UPP2: variants seen among roughly 807,000 people sequenced by gnomAD.
UPP2 encodes UPase 2.
In UPP2, 23 loss-of-function variants were observed where a neutral mutation model predicts 26.7. The observed-to-expected ratio is 0.86, with a 90% CI of 0.62 to 1.22. The LOEUF is 1.22. Ranked by LOEUF, UPP2 falls within the 50% of genes most tolerant of loss-of-function variation. The pLI is 0.00. For missense variants in UPP2, 387 were observed against 396.7 expected (o/e 0.98, Z 0.21); for synonymous variants, 127 against 141.3 (o/e 0.90, Z 0.72).
intron 3 of UPP2, among the ~76,000 whole-genome samples, chr2:158,029,288 T>G (rs1165566768): frequency 2.0e-5 from 3 of 152,196 alleles, no homozygotes; most frequent in African/African-American, 7.2e-5. Flanking sequence ...TAATTAGATT[T>G]CTAAAAAATA....
rs547202348 is a variant in UPP2 at position 158,060,116 on chromosome 2, A to G, written c.148-41924A>G. ...CATGTGTGTACACACATGCATGCACACAGGCACTCTTCCCATGACTTGTGT... is the reference window on the plus strand; with the variant it reads ...CATGTGTGTACACACATGCATGCACGCAGGCACTCTTCCCATGACTTGTGT... On this transcript the variant is annotated intron_variant, in intron 3 of 9. Transcript: ENST00000605860. Among the ~76,000 whole-genome samples, 3 of 152,230 alleles carry G rather than the reference A, an allele frequency of 2.0e-5. No homozygotes were observed. In the South Asian group the frequency reaches 6.2e-4, roughly 32 times the overall value.
rs763584694 is a variant in UPP2 at position 158,134,861 on chromosome 2, A to G, written c.925A>G (p.Ile309Val). 17 of 1,613,500 alleles carry G rather than the reference A, an allele frequency of 1.1e-5. No homozygotes were observed. Among genetic ancestry groups the G allele is most frequent in the Non-Finnish European group, 1.3e-5 (15 of 1,179,708 alleles). ...GCCTCAGCTCCTAATCTCCAACTTC[A>G]TCAGACGGCGGCTTGGACTTTGTGA... Reference protein sequence around the residue: ...QRPQLLISNFIRRRLGLCD With the variant: ...QRPQLLISNFVRRRLGLCD Residue 309 changes from isoleucine to valine, a missense_variant, in exon 7 of 7, where the codon ATC (isoleucine) becomes GTC (valine). Physicochemically the swap from Ile to Val is conservative, Grantham distance 29. Coordinates refer to ENST00000005756, the MANE Select transcript of UPP2 (RefSeq NM_173355.4).
chr2:158,108,250 C>T (rs1484514766), intron 2 of UPP2, among the ~76,000 whole-genome samples: 2 of 152,076 alleles, frequency 1.3e-5, no homozygotes, highest in East Asian at 3.9e-4. Context: ...ATTCAGTCCC[C>T]ACAGCAACTA....
At chr2:158,062,177 T>C (rs1682362865) in intron 3 of UPP2, among the ~76,000 whole-genome samples, 1 of 152,266 alleles carries the variant, frequency 6.6e-6, no homozygotes, top group Non-Finnish European at 1.5e-5. Context: ...GAACTTTCTA[T>C]GATGACGGAA....
chr2:158,028,905 C>T (rs1683876908), intron 3 of UPP2, among the ~76,000 whole-genome samples: 1 of 152,200 alleles, frequency 6.6e-6, no homozygotes, highest in Non-Finnish European at 1.5e-5. Flanking sequence ...GAAACCACTC[C>T]TATGATTCAA....
chr2:158,121,059 A>G (rs1683555657), intron 4 of UPP2, among the ~76,000 whole-genome samples: 1 of 151,956 alleles, frequency 6.6e-6, no homozygotes, highest in South Asian at 2.1e-4. Context: ...AATATTAAGA[A>G]GTCACATCAC....
chr2:158,067,367 C>T (rs1251837350), intron 3 of UPP2, among the ~76,000 whole-genome samples: 2 of 127,926 alleles, frequency 1.6e-5, no homozygotes, highest in Admixed American at 1.5e-4. Context: ...ATGCATTTAT[C>T]ATCAAAAAAA....
intron 6 of UPP2, 22 bp from the exon 7 acceptor site, chr2:158,134,726 G>C: frequency 6.3e-7 from 1 of 1,583,744 alleles, no homozygotes; most frequent in Non-Finnish European, 8.6e-7. Context: ...CATTCCATCA[G>C]TTGTGCTAAT....
intron 4 of UPP2, among the ~76,000 whole-genome samples, chr2:158,120,019 A>T (rs1009827535): frequency 1.3e-5 from 2 of 151,530 alleles, no homozygotes; most frequent in African/African-American, 4.8e-5. Flanking sequence ...TCAAAAAAAA[A>T]AAATAAAAAT....
intron 6 of UPP2, chr2:158,133,917 G>A (rs1012362944): frequency 6.6e-6 from 1 of 152,220 alleles, no homozygotes; most frequent in Non-Finnish European, 1.5e-5. Flanking sequence ...TGATTTCAAT[G>A]TGGGTAACCA....
intron 6 of UPP2, among the ~76,000 whole-genome samples, chr2:158,128,596 T>C (rs1331789971): frequency 6.6e-6 from 1 of 152,140 alleles, no homozygotes; most frequent in Non-Finnish European, 1.5e-5. Flanking sequence ...TAAATAACTT[T>C]CCCACCTTCT....
At chr2:158,087,924 C>T (rs1411164462) in intron 3 of UPP2, among the ~76,000 whole-genome samples, 1 of 152,160 alleles carries the variant, frequency 6.6e-6, no homozygotes, top group African/African-American at 2.4e-5. Flanking sequence ...AAGATTCTTT[C>T]CTTCATCTTG....
intron 6 of UPP2, among the ~76,000 whole-genome samples, chr2:158,124,136 T>G (rs148687468): frequency 6.6e-6 from 1 of 152,344 alleles, no homozygotes; most frequent in Non-Finnish European, 1.5e-5. Context: ...TGTTCAGGGC[T>G]TGACAGCAAG....
At chr2:157,999,842 C>A (rs1683378067) in intron 2 of UPP2, among the ~76,000 whole-genome samples, 1 of 151,982 alleles carries the variant, frequency 6.6e-6, no homozygotes, top group African/African-American at 2.4e-5. Context: ...ATCACACACA[C>A]ACTTACCCAA....
chr2:158,039,803 G>A lies in UPP2; in HGVS notation c.147+23917G>A, dbSNP rs78881105. ...GCTTGAGAGGCACTAATCTAAGGCC[G>A]ACCAAAGTCTAGTCAAATTGGAACC... On this transcript the variant is annotated intron_variant, in intron 3 of 9. Coordinates refer to the UPP2 transcript ENST00000605860. Among the ~76,000 whole-genome samples, 1,088 of 152,326 alleles carry A rather than the reference G, an allele frequency of 7.1e-3. 16 individuals are homozygous for A. The highest frequency in any genetic ancestry group is 0.025 in the African/African-American group (1,026 of 41,572).
chr2:158,121,630 T>G lies in UPP2; in HGVS notation c.664+12T>G, dbSNP rs941415964. The G allele has an allele frequency of 3.7e-6, 6 of 1,604,730 alleles. No homozygotes were observed. The highest frequency in any genetic ancestry group is 4.3e-6 in the Non-Finnish European group (5 of 1,171,808). On this transcript the variant is annotated intron_variant, in intron 5 of 6. Transcript: ENST00000005756. ...TGATTTTTATGAAGGTGAGAACAAT[T>G]TATAAACTGTGAAGGAAACAGAAAA...
intron 3 of UPP2, among the ~76,000 whole-genome samples, chr2:158,044,810 C>A (rs1281967117): frequency 6.6e-6 from 1 of 152,266 alleles, no homozygotes; most frequent in East Asian, 1.9e-4. Context: ...ACCTAAACGG[C>A]TCTAGTAAGA....
intron 3 of UPP2, among the ~76,000 whole-genome samples, chr2:158,043,352 C>T (rs370625311): frequency 3.9e-5 from 6 of 151,906 alleles, no homozygotes; most frequent in Non-Finnish European, 5.9e-5. Context: ...TGTGCAATCC[C>T]GACATTGCAA....
chr2:158,101,785 C>T (rs1037182657), upstream of UPP2: 7 of 1,149,282 alleles, frequency 6.1e-6, no homozygotes, highest in Non-Finnish European at 7.6e-6. Context: ...GATGCCACAC[C>T]TTCAAAGGGG....
Sources: gnomAD v4.1 joint callset for allele counts (sites outside exome capture counted in the v4.1 genomes callset) on GRCh38, gnomAD v4.1.1 for gene constraint, MANE v1.5 for transcripts, NCBI Gene and HGNC (gene_info 2026-07-23, HGNC 2026-07-21) for gene names.